The following ENTREP2 variants were observed in gnomAD, a reference collection of about 807,000 sequenced individuals.
ENTREP2 encodes the protein endosomal transmembrane epsin interactor 2, also known as protein ENTREP2.
At chr15:29,324,164 G>A in the ENTREP2 span, among the ~76,000 whole-genome samples, 2 of 151,990 alleles carry the variant, frequency 1.3e-5, no homozygotes, top group Non-Finnish European at 1.5e-5. Context: ...GCAGTGGCAC[G>A]ATCATTGTTC....
At chr15:29,637,405 C>T in the ENTREP2 span, among the ~76,000 whole-genome samples, 320 of 152,316 alleles carry the variant, frequency 2.1e-3, no homozygotes, top group African/African-American at 7.5e-3. Flanking sequence ...GTGGGGCACA[C>T]ACCTCCCTAG....
At chr15:29,275,893 G>A in the ENTREP2 span, among the ~76,000 whole-genome samples, 1 of 152,212 alleles carries the variant, frequency 6.6e-6, no homozygotes, top group African/African-American at 2.4e-5. Flanking sequence ...TTTTCCAGTG[G>A]AAGAAAGTGG....
chr15:29,490,264 T>C, the ENTREP2 span, among the ~76,000 whole-genome samples: 1 of 152,320 alleles, frequency 6.6e-6, no homozygotes, highest in Admixed American at 6.5e-5. Context: ...ATGGTCTCTC[T>C]GGCCTCAGAA....
chr15:29,148,001 A>G, the ENTREP2 span, among the ~76,000 whole-genome samples: 1 of 152,250 alleles, frequency 6.6e-6, no homozygotes, highest in Non-Finnish European at 1.5e-5. Flanking sequence ...AACATGAATG[A>G]ACCTTGAAAA....
the ENTREP2 span, chr15:29,137,022 CG>C: frequency 7.0e-7 from 1 of 1,423,268 alleles, no homozygotes; most frequent in Non-Finnish European, 9.1e-7. Context: ...GGGGCAGCCG[CG>C]GGAGACCAAC....
chr15:29,258,212 C>CAA, the ENTREP2 span, among the ~76,000 whole-genome samples: 639 of 118,260 alleles, frequency 5.4e-3, 10 homozygotes, highest in African/African-American at 0.02. Flanking sequence ...GGCTCAGTCT[C>CAA]AAAAAAAAAA....
At chr15:29,190,259 T>C in the ENTREP2 span, among the ~76,000 whole-genome samples, 1 of 152,112 alleles carries the variant, frequency 6.6e-6, no homozygotes, top group Admixed American at 6.5e-5. Context: ...CCAGGTCCCC[T>C]CTGTGCCCTC....
the ENTREP2 span, among the ~76,000 whole-genome samples, chr15:29,201,717 A>T: frequency 6.6e-6 from 1 of 152,186 alleles, no homozygotes; most frequent in Non-Finnish European, 1.5e-5. Flanking sequence ...TACATTAATA[A>T]GGGATATTGG....
chr15:29,272,158 G>T, the ENTREP2 span, among the ~76,000 whole-genome samples: 1 of 152,104 alleles, frequency 6.6e-6, no homozygotes, highest in Non-Finnish European at 1.5e-5. Flanking sequence ...GAAGAATGCA[G>T]GTGAGAAAAT....
At chr15:29,476,893 G>A in the ENTREP2 span, among the ~76,000 whole-genome samples, 1 of 152,154 alleles carries the variant, frequency 6.6e-6, no homozygotes, top group Non-Finnish European at 1.5e-5. Flanking sequence ...GGCACACTCC[G>A]TGCCCCAGCA....
At chr15:29,229,853 A>G in the ENTREP2 span, among the ~76,000 whole-genome samples, 1 of 152,112 alleles carries the variant, frequency 6.6e-6, no homozygotes, top group Non-Finnish European at 1.5e-5. Flanking sequence ...TCTATAAACT[A>G]TCTTTATCTC....
the ENTREP2 span, among the ~76,000 whole-genome samples, chr15:29,630,903 G>A: frequency 1.6e-3 from 243 of 152,224 alleles, no homozygotes; most frequent in Non-Finnish European, 2.8e-3. Context: ...GGCTGATCTC[G>A]AACTCCTCAC....
the ENTREP2 span, among the ~76,000 whole-genome samples, chr15:29,568,302 A>T: frequency 6.6e-6 from 1 of 152,210 alleles, no homozygotes; most frequent in African/African-American, 2.4e-5. Context: ...ATGTAAGCAG[A>T]GTGTGCTGTG....
chr15:29,482,259 T>G, the ENTREP2 span, among the ~76,000 whole-genome samples: 1 of 151,504 alleles, frequency 6.6e-6, no homozygotes, highest in East Asian at 1.9e-4. Flanking sequence ...ATCTGCCTGC[T>G]TCAGCCTCCC....
the ENTREP2 span, among the ~76,000 whole-genome samples, chr15:29,232,584 C>G: frequency 6.6e-6 from 1 of 152,048 alleles, no homozygotes; most frequent in Non-Finnish European, 1.5e-5. Flanking sequence ...CCTTGAACTC[C>G]TGGGCTCAAG....
chr15:29,615,246 T>C, the ENTREP2 span, among the ~76,000 whole-genome samples: 1 of 151,870 alleles, frequency 6.6e-6, no homozygotes, highest in Middle Eastern at 3.4e-3. Flanking sequence ...ACCTCTGCCT[T>C]CCGGGTTCAA....
chr15:29,565,919 C>T, the ENTREP2 span, among the ~76,000 whole-genome samples: 1 of 151,526 alleles, frequency 6.6e-6, no homozygotes, highest in Admixed American at 6.6e-5. Flanking sequence ...CGAGATCACG[C>T]CACTGCACTC....
At chr15:29,259,974 C>G in the ENTREP2 span, among the ~76,000 whole-genome samples, 3 of 152,218 alleles carry the variant, frequency 2.0e-5, no homozygotes, top group African/African-American at 7.2e-5. Context: ...TCCGTTTTAA[C>G]TGGTGTCCAG....
the ENTREP2 span, among the ~76,000 whole-genome samples, chr15:29,572,468 C>CCATT: frequency 2.8e-4 from 42 of 152,140 alleles, no homozygotes; most frequent in East Asian, 7.7e-4. Flanking sequence ...ATCATCTCCC[C>CCATT]CATTCATTCA....
Sources: allele counts gnomAD v4.1 joint callset (sites outside exome capture counted in the v4.1 genomes callset), GRCh38; gene constraint gnomAD v4.1.1; transcripts MANE v1.5; gene names NCBI Gene and HGNC (gene_info 2026-07-23, HGNC 2026-07-21).